The following TBC1D4 variants were observed in gnomAD, a reference collection of about 807,000 sequenced individuals.
TBC1D4 encodes the protein TBC (Tre-2, BUB2, CDC16) domain-containing protein.
TBC1D4 carries 121 observed loss-of-function variants against 142.5 expected under a neutral mutation model. The ratio of observed to expected loss-of-function variants is 0.85; its 90% confidence interval spans 0.73 to 0.99. TBC1D4 has a LOEUF of 0.99. Among genes scored for constraint, TBC1D4 ranks in the 50% least tolerant of loss-of-function variants. TBC1D4 has a pLI of 0.00. For synonymous variants in TBC1D4, 630 were observed against 628.2 expected (o/e 1.00, Z -0.04); for missense variants, 1,475 against 1,606.6 (o/e 0.92, Z 1.40).
At chr13:75,438,556 A>G (rs978718651) in intron 1 of TBC1D4, among the ~76,000 whole-genome samples, 3 of 152,222 alleles carry the variant, frequency 2.0e-5, no homozygotes, top group Non-Finnish European at 2.9e-5. Flanking sequence ...GCTATGTTCT[A>G]TAACAATGAT....
intron 1 of TBC1D4, chr13:75,375,769 C>G (rs1435289134): frequency 8.2e-6 from 1 of 121,488 alleles, no homozygotes; most frequent in African/African-American, 3.9e-5. Flanking sequence ...CTGCCCCACC[C>G]CCCCCACACA....
chr13:75,359,687 G>T (rs1882339759), intron 3 of TBC1D4, 82 bp downstream of exon 3: 1 of 1,085,808 alleles, frequency 9.2e-7, no homozygotes, highest in Non-Finnish European at 1.4e-6. Flanking sequence ...AAAATTTGAA[G>T]GGGGTCAAGC....
At chr13:75,426,899 A>AT (rs1886393908) in intron 1 of TBC1D4, among the ~76,000 whole-genome samples, 1 of 150,716 alleles carries the variant, frequency 6.6e-6, no homozygotes, top group Non-Finnish European at 1.5e-5. Context: ...AAAAAAAAAA[A>AT]ATAGATGGGC....
intron 1 of TBC1D4, among the ~76,000 whole-genome samples, chr13:75,414,857 C>T (rs996484958): frequency 4.6e-5 from 7 of 152,142 alleles, no homozygotes; most frequent in African/African-American, 1.4e-4. Flanking sequence ...GGCCTAGTGG[C>T]TCATGCCTGT....
chr13:75,386,526 C>A (rs1291744503), intron 1 of TBC1D4, among the ~76,000 whole-genome samples: 1 of 151,684 alleles, frequency 6.6e-6, no homozygotes, highest in East Asian at 1.9e-4. Context: ...GTAGCTGGGA[C>A]TACAGGCATC....
rs181354375 is a variant in TBC1D4 at position 75,369,825 on chromosome 13, A to T, written c.499-7218T>A. On this transcript the variant is annotated intron_variant, in intron 1 of 20. Transcript: ENST00000377636. Reference sequence around the variant, plus strand: ...AAAATATAATTCCAATGTGTGCTACATAAGAAGATGAAATAAGTGAGAAGC... The same window carrying T: ...AAAATATAATTCCAATGTGTGCTACTTAAGAAGATGAAATAAGTGAGAAGC... Among the ~76,000 whole-genome samples, 188 of 152,360 alleles carry T rather than the reference A, an allele frequency of 1.2e-3. 1 individual carries two copies. Among genetic ancestry groups the T allele is most frequent in the African/African-American group, 4.3e-3 (178 of 41,588 alleles).
At chr13:75,384,559 A>AGGAAAAAAAAAAAGTTTCTTT (rs1884060603) in intron 1 of TBC1D4, among the ~76,000 whole-genome samples, 1 of 138,458 alleles carries the variant, frequency 7.2e-6, no homozygotes, top group African/African-American at 2.7e-5. Flanking sequence ...GAAAAGATAA[A>AGGAAAAAAAAAAAGTTTCTTT]GGAAAAAAAA....
At chr13:75,455,762 C>T (rs775277788) in intron 1 of TBC1D4, among the ~76,000 whole-genome samples, 15 of 151,940 alleles carry the variant, frequency 9.9e-5, no homozygotes, top group Admixed American at 3.9e-4. Flanking sequence ...GTCAAAAAAC[C>T]GAAGAGTCTC....
intron 18 of TBC1D4, among the ~76,000 whole-genome samples, chr13:75,292,560 G>C (rs1875426469): frequency 6.6e-6 from 1 of 151,894 alleles, no homozygotes; most frequent in Admixed American, 6.6e-5. Flanking sequence ...ATGGAGACTA[G>C]GTAAACCTCA....
intron 1 of TBC1D4, among the ~76,000 whole-genome samples, chr13:75,469,520 C>T (rs945041730): frequency 6.6e-6 from 1 of 152,100 alleles, no homozygotes; most frequent in African/African-American, 2.4e-5. Context: ...CCTGTAATCC[C>T]AGCACTTTAG....
intron 7 of TBC1D4, among the ~76,000 whole-genome samples, chr13:75,339,172 G>A (rs1337280617): frequency 6.6e-6 from 1 of 152,172 alleles, no homozygotes; most frequent in African/African-American, 2.4e-5. Context: ...GCAGGGAAGG[G>A]TCGCCATTAT....
At chr13:75,479,992 ACTG>A (rs1162979981) in intron 1 of TBC1D4, among the ~76,000 whole-genome samples, 1 of 150,718 alleles carries the variant, frequency 6.6e-6, no homozygotes. Context: ...AGATCGCACC[ACTG>A]CGCTCCAGCC....
At position 75,334,744 on chromosome 13, in the gene TBC1D4, C is replaced by T. The variant is rs111418076; in HGVS notation, c.1731+2177G>A. Among the ~76,000 whole-genome samples the T allele has an allele frequency of 2.3e-3, 351 of 151,690 alleles. 1 individual carries two copies. Among genetic ancestry groups the T allele is most frequent in the African/African-American group, 8.3e-3 (342 of 41,178 alleles). On this transcript the variant is annotated intron_variant, in intron 8 of 20. Coordinates refer to ENST00000377636, the MANE Select transcript of TBC1D4 (RefSeq NM_014832.5). ...GATTACAGGCACGCAACACCACACC[C>T]GGCTCATTTTTTTGTATTTTTAGTA...
At chr13:75,312,580 G>A (rs779472018) in intron 13 of TBC1D4, among the ~76,000 whole-genome samples, 158 bp downstream of exon 13, 1 of 152,090 alleles carries the variant, frequency 6.6e-6, no homozygotes, top group Non-Finnish European at 1.5e-5. Context: ...AATGCCTAAT[G>A]TTTTCTAATG....
chr13:75,374,782 A>G (rs534685918), intron 1 of TBC1D4, among the ~76,000 whole-genome samples: 1 of 152,164 alleles, frequency 6.6e-6, no homozygotes, highest in South Asian at 2.1e-4. Context: ...TTTTTCACAC[A>G]TGGACTGCTT....
At chr13:75,427,223 A>G (rs916056610) in intron 1 of TBC1D4, among the ~76,000 whole-genome samples, 1 of 151,962 alleles carries the variant, frequency 6.6e-6, no homozygotes, top group Non-Finnish European at 1.5e-5. Flanking sequence ...GAGTAGCTGG[A>G]GCTACAGGCG....
At chr13:75,301,840 T>C (rs1169815085) in intron 16 of TBC1D4, among the ~76,000 whole-genome samples, 1 of 152,190 alleles carries the variant, frequency 6.6e-6, no homozygotes, top group African/African-American at 2.4e-5. Flanking sequence ...CAGCAGTGTG[T>C]CCAGGAATAC....
chr13:75,456,534 A>G (rs370267210), intron 1 of TBC1D4, among the ~76,000 whole-genome samples: 2 of 152,196 alleles, frequency 1.3e-5, no homozygotes, highest in African/African-American at 2.4e-5. Flanking sequence ...TGGCCAATGC[A>G]TATGAAAAGG....
intron 11 of TBC1D4, among the ~76,000 whole-genome samples, chr13:75,321,570 ATT>A (rs1566376246): frequency 6.6e-6 from 1 of 152,204 alleles, no homozygotes; most frequent in Non-Finnish European, 1.5e-5. Flanking sequence ...TAAATTTGAA[ATT>A]GTTTCAAAAT....
Sources: gnomAD v4.1 joint callset for allele counts (sites outside exome capture counted in the v4.1 genomes callset) on GRCh38, gnomAD v4.1.1 for gene constraint, MANE v1.5 for transcripts, NCBI Gene and HGNC (gene_info 2026-07-23, HGNC 2026-07-21) for gene names.